Variants in ITGA7 observed in about 807,000 individuals in gnomAD.
ITGA7 encodes the protein integrin subunit alpha 7.
In ITGA7, 84 loss-of-function variants were observed where a neutral mutation model predicts 131.6. The observed-to-expected ratio is 0.64, with a 90% CI of 0.54 to 0.77. The LOEUF (loss-of-function observed/expected upper bound fraction) is 0.77, where lower values mean the gene tolerates loss of function less well. ITGA7 is among the 30% of genes least tolerant of loss of function. The pLI, the probability that ITGA7 is intolerant of heterozygous loss-of-function variation, is 0.00. For missense variants in ITGA7, 1,399 were observed against 1,482.9 expected, an observed-to-expected ratio of 0.94 and a Z score of 0.93; for synonymous variants, 548 against 600.7, an observed-to-expected ratio of 0.91 and a Z score of 1.28.
rs17854601 is a variant in ITGA7, at chr12:55,703,100, C to T, written c.285G>A (p.Pro95=). ...ANRTGGLFAC[P]LSLEETDCYR... ...AGCAGTCAGTCTCCTCCAGGCTCAA[C>T]GGGCAAGCGAAGAGGCCTCCAGTGC... The change falls in exon 2 of 25, where the codon CCG becomes CCA. Residue 95 remains proline (P), a synonymous_variant. Coordinates refer to ENST00000257879, the MANE Select transcript of ITGA7 (RefSeq NM_002206.3). 2.6e-5 allele frequency: 42 copies of T among 1,614,044 alleles called. No individual in the cohort carries two copies. The highest frequency in any genetic ancestry group is 5.3e-5 in the African/African-American group (4 of 75,050).
Position 55,697,223 on chromosome 12 carries a change from A to AG in ITGA7, c.1559dup (p.Thr521TyrfsTer29), listed in dbSNP as rs1185695796. 2.5e-6 allele frequency: 4 copies of AG among 1,597,612 alleles called. No homozygotes were observed. Among genetic ancestry groups the AG allele is most frequent in the Non-Finnish European group, 3.4e-6 (4 of 1,172,324 alleles). On this transcript the variant is annotated frameshift_variant, in exon 11 of 25. Transcript: ENST00000257879. LOFTEE classifies it high-confidence loss of function. ...AGGGGGGACCGCACTCACCCACAGT[A>AG]GGGCTATAGCTGCTGGGGACTGCAA...
At chr12:55,692,458 T>G (rs955795643) in intron 21 of ITGA7, among the ~76,000 whole-genome samples, 4 of 152,200 alleles carry the variant, frequency 2.6e-5, no homozygotes, top group African/African-American at 9.7e-5. Context: ...ACTGTAAAAA[T>G]CAAGCAAGTG....
In ITGA7 at chr12:55,699,885, G is replaced by A. The variant is rs1311553376; in HGVS notation, c.775C>T (p.Leu259Phe). The stretch of plus-strand genomic sequence containing the variant: ...GCTTACAAACCTAAGTAGCTATTGA[G>A]GGCCAAGTCTCCGGCTGGTCCTGGG... ...RLPGPAGDLA[L>F]NSYLGFSIDS... The change falls in exon 5 of 25, where the codon CTC becomes TTC. Residue 259 changes from leucine (L) to phenylalanine (F), a missense_variant. Leu to Phe is a conservative substitution (Grantham distance 22, BLOSUM62 0). Coordinates refer to ENST00000257879, the MANE Select transcript of ITGA7 (RefSeq NM_002206.3). 1 of 1,609,620 alleles carries A rather than the reference G, an allele frequency of 6.2e-7. No homozygotes were observed. Among genetic ancestry groups the A allele is most frequent in the Non-Finnish European group, 8.5e-7 (1 of 1,178,322 alleles).
intron 3 of ITGA7, 73 bp downstream of exon 3, chr12:55,702,799 C>T (rs775642565): frequency 1.1e-5 from 14 of 1,259,994 alleles, no homozygotes; most frequent in African/African-American, 1.5e-5. Context: ...CACACCTATG[C>T]GTATGCACAC....
At position 55,707,773 on chromosome 12, in the gene ITGA7, A is replaced by C. The variant is rs1875553211; in HGVS notation, c.-91T>G. ...CCCCCCAGGCGCGTCTCTGGTCTCC[A>C]AAGTCTCGTTGGTCTTTCAGACGTC... On this transcript the variant is annotated 5_prime_UTR_variant, in exon 1 of 25. Coordinates refer to ENST00000257879, the MANE Select transcript of ITGA7 (RefSeq NM_002206.3). The C allele has an allele frequency of 7.2e-6, 11 of 1,538,412 alleles. No homozygotes were observed. Among genetic ancestry groups the C allele is most frequent in the Non-Finnish European group, 8.8e-6 (10 of 1,141,336 alleles).
chr12:55,714,664 C>A (rs1391789067), upstream of ITGA7, among the ~76,000 whole-genome samples: 1 of 150,376 alleles, frequency 6.6e-6, no homozygotes, highest in African/African-American at 2.5e-5. Flanking sequence ...CCAGCCTAGG[C>A]GACAGAGCGA....
chr12:55,692,940 C>G lies in ITGA7; in HGVS notation c.2748G>C (p.Leu916=), dbSNP rs1236845309. 1 of 1,614,114 alleles carries G rather than the reference C, an allele frequency of 6.2e-7. No homozygotes were observed. The highest frequency in any genetic ancestry group is 1.7e-5 in the Admixed American group (1 of 60,022). Residue 916 remains leucine (L), a synonymous_variant, in exon 21 of 25, where the codon CTG becomes CTC. Coordinates refer to ENST00000257879, the MANE Select transcript of ITGA7 (RefSeq NM_002206.3). Reference sequence around the variant, plus strand: ...CAGGCTCCTGCTGCTCAGGTGGCTCCAGCTCCCGCCGCCTCCTATCCCTAC... The same window carrying G: ...CAGGCTCCTGCTGCTCAGGTGGCTCGAGCTCCCGCCGCCTCCTATCCCTAC... ...VDSRDRRRRE[L]EPPEQQEPGE... is the part of the protein sequence containing the mutation.
In ITGA7 at chr12:55,694,973, G is replaced by A; in HGVS notation, c.2004-3C>T. ...GGGCTGTTGTTCCATCCACATCCCT[G>A]GAGAGTCAGACCCCACTCCTGCTAA... On this transcript the variant is annotated splice_polypyrimidine_tract_variant and splice_region_variant and intron_variant, in intron 14 of 24. Coordinates refer to ENST00000257879, the MANE Select transcript of ITGA7 (RefSeq NM_002206.3). This position sits in a 1 kb window ranked among gnomAD's most constrained non-coding sequence, Gnocchi z 5.3. 2.5e-6 allele frequency: 4 copies of A among 1,612,748 alleles called. No individual in the cohort carries two copies. Among genetic ancestry groups the A allele is most frequent in the Non-Finnish European group, 3.4e-6 (4 of 1,179,908 alleles).
chr12:55,700,759 G>T, intron 4 of ITGA7, 140 bp downstream of exon 4: 1 of 1,087,962 alleles, frequency 9.2e-7, no homozygotes, highest in Non-Finnish European at 1.4e-6. Flanking sequence ...CTAGCTCAAT[G>T]GGGTGGAAGG....
rs755262233 is a variant in ITGA7 at position 55,698,940 on chromosome 12, C to G, written c.791-23G>C. ...AGCCTGGGGGAAGGGTGACTTACCCCTAAGTCTTCACCCCAAGACTCAGAA... is the reference window on the plus strand; with the variant it reads ...AGCCTGGGGGAAGGGTGACTTACCCGTAAGTCTTCACCCCAAGACTCAGAA... On this transcript the variant is annotated intron_variant, in intron 5 of 24. Transcript: ENST00000257879. 1.0e-5 allele frequency: 16 copies of G among 1,584,676 alleles called. No homozygotes were observed. In the East Asian group the frequency reaches 3.7e-4, roughly 36 times the overall value.
intron 5 of ITGA7, among the ~76,000 whole-genome samples, chr12:55,699,125 C>T (rs1873383342): frequency 1.3e-5 from 2 of 152,138 alleles, no homozygotes; most frequent in South Asian, 2.1e-4. Context: ...TTCCTCCCCA[C>T]AGGGCCTGGC....
chr12:55,685,745 C>T (rs374337553), intron 24 of ITGA7, among the ~76,000 whole-genome samples: 3 of 152,234 alleles, frequency 2.0e-5, no homozygotes, highest in South Asian at 2.1e-4. Context: ...TTGGGCGGCA[C>T]GCCCCTTACA....
intron 3 of ITGA7, chr12:55,701,537 T>G: frequency 2.2e-6 from 2 of 915,444 alleles, no homozygotes; most frequent in Non-Finnish European, 3.5e-6. Flanking sequence ...AGTGTCACCA[T>G]CTCATCTGCA....
At chr12:55,699,047 C>T (rs1487067934) in intron 5 of ITGA7, 130 bp from the exon 6 acceptor site, 1 of 818,416 alleles carries the variant, frequency 1.2e-6, no homozygotes, top group Non-Finnish European at 2.0e-6. Flanking sequence ...TGCACCCTGC[C>T]CCCTCCCCTA....
At chr12:55,714,517 C>CAAA (rs35046301), upstream of ITGA7, among the ~76,000 whole-genome samples, 29 of 120,458 alleles carry the variant, frequency 2.4e-4, 1 homozygote, top group African/African-American at 1.0e-3. Context: ...GACTCCGTCT[C>CAAA]AAAAAAAAAA....
chr12:55,701,456 G>C, intron 3 of ITGA7: 2 of 1,546,426 alleles, frequency 1.3e-6, no homozygotes, highest in Non-Finnish European at 1.8e-6. Context: ...CACCACATAG[G>C]ATGTGTGTCT....
intron 19 of ITGA7, 69 bp from the exon 20 acceptor site, chr12:55,693,386 TAG>T: frequency 7.4e-7 from 1 of 1,357,408 alleles, no homozygotes; most frequent in Non-Finnish European, 1.0e-6. Flanking sequence ...TAATTTTTTG[TAG>T]AGACAGGATC....
chr12:55,688,737 G>A (rs868009304), intron 22 of ITGA7, 107 bp downstream of exon 22: 87 of 797,952 alleles, frequency 1.1e-4, no homozygotes, highest in African/African-American at 1.8e-4. Flanking sequence ...AAAAAAAAAA[G>A]GGGGGGGATG....
upstream of ITGA7, chr12:55,712,382 AT>A: frequency 4.0e-6 from 3 of 750,254 alleles, no homozygotes; most frequent in South Asian, 4.6e-5. Flanking sequence ...ATCTCCCAGT[AT>A]GTGAAGCCTT....
Sources: allele counts gnomAD v4.1 joint callset (sites outside exome capture counted in the v4.1 genomes callset), GRCh38; gene constraint gnomAD v4.1.1; non-coding constraint Gnocchi (gnomAD v3.1); transcripts MANE v1.5; gene names NCBI Gene and HGNC (gene_info 2026-07-23, HGNC 2026-07-21).